Variants in HDAC9 observed in about 807,000 individuals in gnomAD.
The protein encoded by HDAC9 is histone deacetylase 9.
Under a neutral mutation model 139.4 loss-of-function variants are expected in HDAC9, and 41 were observed. The ratio of observed to expected loss-of-function variants is 0.29; its 90% CI spans 0.23 to 0.38. The LOEUF (loss-of-function observed/expected upper bound fraction) is 0.38. Ranked by LOEUF, HDAC9 falls within the 10% of genes least tolerant of loss-of-function variation. The pLI, the probability that HDAC9 is intolerant of heterozygous loss-of-function variation, is 1.00. For synonymous variants in HDAC9, 517 were observed against 476.2 expected (o/e 1.09, Z -1.12); for missense variants, 1,147 against 1,297.0 (o/e 0.88, Z 1.78).
In HDAC9 at chr7:18,793,380, G is replaced by C; in HGVS notation, c.2250G>C (p.Ser750=). Reference sequence around the variant, plus strand: ...ACACCATTTGGAATGAGCTACACTCGTCCGGTGCTGCACGCATGGCTGTTG... The same window carrying C: ...ACACCATTTGGAATGAGCTACACTCCTCCGGTGCTGCACGCATGGCTGTTG... ...DSDTIWNELH[S]SGAARMAVGC... Residue 750 remains serine, a synonymous_variant, in exon 17 of 26, where the codon TCG becomes TCC. Transcript: ENST00000686413. 6.3e-7 allele frequency: 1 copy of C among 1,584,006 alleles called. No individual in the cohort carries two copies. Among genetic ancestry groups the C allele is most frequent in the South Asian group, 1.2e-5 (1 of 86,082 alleles).
At chr7:18,854,614 A>G (rs1797539041) in intron 21 of HDAC9, among the ~76,000 whole-genome samples, 2 of 147,520 alleles carry the variant, frequency 1.4e-5, no homozygotes, top group African/African-American at 4.9e-5. Flanking sequence ...AAAGAAACAA[A>G]GAGAAATAGA....
At chr7:18,194,777 T>C (rs1403059841) in intron 2 of HDAC9, among the ~76,000 whole-genome samples, 1 of 152,220 alleles carries the variant, frequency 6.6e-6, no homozygotes, top group Non-Finnish European at 1.5e-5. Context: ...TCTTTATAGT[T>C]CTTCCACTTG....
chr7:18,956,895 C>A (rs963382991), intron 24 of HDAC9, among the ~76,000 whole-genome samples: 1 of 152,152 alleles, frequency 6.6e-6, no homozygotes, highest in African/African-American at 2.4e-5. Flanking sequence ...AGGGCCCCAT[C>A]CTTAGTGTAA....
At chr7:18,844,024 T>G (rs1375492135) in intron 21 of HDAC9, among the ~76,000 whole-genome samples, 1 of 152,202 alleles carries the variant, frequency 6.6e-6, no homozygotes, top group South Asian at 2.1e-4. Flanking sequence ...ATCAAACATG[T>G]GGATGATAGA....
intron 2 of HDAC9, among the ~76,000 whole-genome samples, chr7:18,564,373 G>A (rs377603115): frequency 1.3e-5 from 2 of 152,162 alleles, no homozygotes; most frequent in African/African-American, 4.8e-5. Context: ...TATCAAGTGT[G>A]AGGTAATCCC....
intron 15 of HDAC9, among the ~76,000 whole-genome samples, chr7:18,766,717 A>T (rs575168850): frequency 1.8e-4 from 28 of 152,292 alleles, no homozygotes; most frequent in African/African-American, 6.7e-4. Flanking sequence ...GTAGCTCAAA[A>T]CATCCCATTG....
chr7:18,449,565 C>G (rs988986232), intron 1 of HDAC9, among the ~76,000 whole-genome samples: 2 of 152,072 alleles, frequency 1.3e-5, no homozygotes, highest in Non-Finnish European at 2.9e-5. Context: ...TATTAATACA[C>G]TAAGATATAC....
intron 1 of HDAC9, among the ~76,000 whole-genome samples, chr7:18,302,851 A>G (rs1798632716): frequency 6.6e-6 from 1 of 152,180 alleles, no homozygotes; most frequent in African/African-American, 2.4e-5. Flanking sequence ...CAGATATTAA[A>G]CAAATATTAT....
chr7:18,106,933 C>G (rs1489510266), intron 1 of HDAC9, among the ~76,000 whole-genome samples: 2 of 152,138 alleles, frequency 1.3e-5, no homozygotes, highest in African/African-American at 4.8e-5. Flanking sequence ...GCAGGAGTAC[C>G]CTACAAATGA....
rs182987255 is a variant in HDAC9 at position 18,797,073 on chromosome 7, C to T, written c.2322+3621C>T. On this transcript the variant is annotated intron_variant, in intron 17 of 25. Transcript: ENST00000686413. Reference sequence around the variant, plus strand: ...ATAATAACTGCTACTCATTGAGTGCCTTCTATAGGCAGCCAGTTTATATGT... The same window carrying T: ...ATAATAACTGCTACTCATTGAGTGCTTTCTATAGGCAGCCAGTTTATATGT... 2.5e-3 allele frequency among the ~76,000 whole-genome samples: 378 copies of T among 152,224 alleles called. 1 individual carries two copies. The highest frequency in any genetic ancestry group is 8.7e-3 in the African/African-American group (363 of 41,524).
chr7:18,479,861 G>A (rs1795406744), intron 1 of HDAC9, among the ~76,000 whole-genome samples: 2 of 151,796 alleles, frequency 1.3e-5, no homozygotes, highest in African/African-American at 4.8e-5. Context: ...TAATATTGAA[G>A]TGTGAGAGTA....
chr7:18,888,173 G>A (rs1002702446), intron 22 of HDAC9, among the ~76,000 whole-genome samples: 4 of 152,158 alleles, frequency 2.6e-5, no homozygotes, highest in Non-Finnish European at 2.9e-5. Context: ...TGTAATCCCA[G>A]CACTTTGGGA....
chr7:18,151,279 CTG>C (rs1786760476), intron 1 of HDAC9, among the ~76,000 whole-genome samples: 2 of 152,286 alleles, frequency 1.3e-5, no homozygotes, highest in African/African-American at 4.8e-5. Flanking sequence ...AGTTCTGACA[CTG>C]TAATTATATA....
intron 1 of HDAC9, among the ~76,000 whole-genome samples, chr7:18,458,503 A>T (rs982101474): frequency 1.8e-4 from 27 of 152,216 alleles, no homozygotes; most frequent in African/African-American, 6.3e-4. Context: ...TTGTTTCCAA[A>T]GGAAGTAAGA....
At chr7:18,927,778 C>T (rs1563062287) in intron 22 of HDAC9, among the ~76,000 whole-genome samples, 1 of 152,126 alleles carries the variant, frequency 6.6e-6, no homozygotes, top group East Asian at 1.9e-4. Context: ...AGATAGGTGT[C>T]AGTGAGTATT....
intron 1 of HDAC9, among the ~76,000 whole-genome samples, chr7:18,302,378 G>A (rs1798599498): frequency 6.6e-6 from 1 of 152,166 alleles, no homozygotes; most frequent in African/African-American, 2.4e-5. Context: ...GTTATCCTTT[G>A]GTGAAGACAT....
intron 2 of HDAC9, among the ~76,000 whole-genome samples, chr7:18,584,160 T>TTTTTTTTTA (rs1828719751): frequency 6.7e-6 from 1 of 148,336 alleles, no homozygotes; most frequent in African/African-American, 2.5e-5. Flanking sequence ...TTTTTTTTTT[T>TTTTTTTTTA]GAGACAGTCT....
chr7:18,485,113 G>T (rs1554434897), intron 1 of HDAC9, among the ~76,000 whole-genome samples: 1 of 152,136 alleles, frequency 6.6e-6, no homozygotes, highest in Non-Finnish European at 1.5e-5. Context: ...GAAAACATTA[G>T]TTGGGGGGAA....
At chr7:18,541,420 G>A (rs1269877189) in intron 2 of HDAC9, among the ~76,000 whole-genome samples, 2 of 151,988 alleles carry the variant, frequency 1.3e-5, no homozygotes, top group Non-Finnish European at 2.9e-5. Flanking sequence ...CTGTCCACAT[G>A]GTACTAGTCC....
Sources: gnomAD v4.1 joint callset for allele counts (sites outside exome capture counted in the v4.1 genomes callset) on GRCh38, gnomAD v4.1.1 for gene constraint, MANE v1.5 for transcripts, NCBI Gene and HGNC (gene_info 2026-07-23, HGNC 2026-07-21) for gene names.